EXOC4: variants seen among roughly 807,000 people sequenced by gnomAD.
The protein encoded by EXOC4 is exocyst complex component 4, also known as SEC8-like 1.
A neutral mutation model predicts 107.2 loss-of-function variants in EXOC4; 71 were observed. The ratio of observed to expected loss-of-function variants is 0.66; its 90% CI spans 0.55 to 0.81. The LOEUF is 0.81. Ranked by LOEUF, EXOC4 falls within the 30% of genes least tolerant of loss-of-function variation. EXOC4 has a pLI of 0.00. For synonymous variants in EXOC4, 456 were observed against 441.2 expected (o/e 1.03, Z -0.42); for missense variants, 1,108 against 1,189.6 (o/e 0.93, Z 1.01).
intron 10 of EXOC4, among the ~76,000 whole-genome samples, chr7:133,634,644 C>A (rs962337180): frequency 1.6e-4 from 24 of 152,166 alleles, no homozygotes; most frequent in African/African-American, 5.8e-4. Context: ...CATGCGCCAC[C>A]ATGCCCGGCT....
At chr7:133,330,764 G>A (rs927902658) in intron 5 of EXOC4, among the ~76,000 whole-genome samples, 12 of 151,962 alleles carry the variant, frequency 7.9e-5, no homozygotes, top group African/African-American at 1.9e-4. Flanking sequence ...GCTTTGGCTC[G>A]CCCTTGGTGG....
intron 5 of EXOC4, among the ~76,000 whole-genome samples, chr7:133,347,233 C>T (rs916948612): frequency 5.4e-5 from 8 of 149,418 alleles, no homozygotes; most frequent in African/African-American, 1.7e-4. Context: ...GATATATAGA[C>T]GTAAACTATA....
At chr7:133,591,074 G>A (rs1423923177) in intron 9 of EXOC4, among the ~76,000 whole-genome samples, 1 of 152,164 alleles carries the variant, frequency 6.6e-6, no homozygotes, top group Non-Finnish European at 1.5e-5. Flanking sequence ...TGAGGGCTGT[G>A]GGCTGAGTAA....
chr7:133,618,862 GTAAT>G (rs1802258565), intron 9 of EXOC4, among the ~76,000 whole-genome samples: 21 of 152,120 alleles, frequency 1.4e-4, no homozygotes, highest in Admixed American at 7.2e-4. Context: ...TGTACAACAA[GTAAT>G]ATTATATATC....
chr7:133,812,169 A>G (rs1797248542), intron 10 of EXOC4, among the ~76,000 whole-genome samples: 1 of 152,164 alleles, frequency 6.6e-6, no homozygotes, highest in South Asian at 2.1e-4. Flanking sequence ...ATCATACAAT[A>G]TTTCACACTT....
At chr7:133,428,619 G>A (rs544163702) in intron 7 of EXOC4, among the ~76,000 whole-genome samples, 34 of 152,328 alleles carry the variant, frequency 2.2e-4, no homozygotes, top group Middle Eastern at 3.4e-3. Flanking sequence ...TTAGAAATTT[G>A]CTGTTGTAGA....
intron 11 of EXOC4, among the ~76,000 whole-genome samples, chr7:133,883,421 C>G (rs1799008744): frequency 7.0e-6 from 1 of 142,192 alleles, no homozygotes; most frequent in Non-Finnish European, 1.5e-5. Context: ...GTGGGAGGAT[C>G]ATTTGAGGCC....
At chr7:133,785,134 GT>G (rs1796542580) in intron 10 of EXOC4, among the ~76,000 whole-genome samples, 1 of 152,102 alleles carries the variant, frequency 6.6e-6, no homozygotes, top group African/African-American at 2.4e-5. Flanking sequence ...AGCAAAAGGC[GT>G]CTGGAGAAAG....
In EXOC4 at chr7:133,959,722, T is replaced by G. The variant is rs138826679; in HGVS notation, c.2206+21653T>G. Among the ~76,000 whole-genome samples the G allele has an allele frequency of 3.3e-5, 5 of 151,782 alleles. No individual in the cohort carries two copies. In the East Asian group the frequency reaches 9.7e-4, roughly 29 times the overall value. The stretch of plus-strand genomic sequence containing the variant: ...TGTCAGAAGAAAAAAAAAATAAAAG[T>G]TTTTCTAGAAAGTACATCTAGAAAA... On this transcript the variant is annotated intron_variant, in intron 14 of 17. Transcript: ENST00000253861.
chr7:133,278,409 C>A (rs1794048497), intron 2 of EXOC4, among the ~76,000 whole-genome samples: 1 of 152,108 alleles, frequency 6.6e-6, no homozygotes, highest in Non-Finnish European at 1.5e-5. Flanking sequence ...ACACACACCC[C>A]CACCCACTCA....
At chr7:133,299,357 T>C (rs907307691) in intron 3 of EXOC4, among the ~76,000 whole-genome samples, 2 of 152,164 alleles carry the variant, frequency 1.3e-5, no homozygotes, top group African/African-American at 2.4e-5. Flanking sequence ...TCTGTGAGGC[T>C]CAGGCTGATA....
At chr7:133,326,057 C>T (rs2150595250) in intron 5 of EXOC4, among the ~76,000 whole-genome samples, 1 of 152,334 alleles carries the variant, frequency 6.6e-6, no homozygotes, top group Non-Finnish European at 1.5e-5. Flanking sequence ...TGTTTTTCAG[C>T]TCCATCAGGT....
intron 10 of EXOC4, among the ~76,000 whole-genome samples, chr7:133,743,501 G>C (rs748549314): frequency 2.0e-5 from 3 of 152,164 alleles, no homozygotes; most frequent in Non-Finnish European, 4.4e-5. Flanking sequence ...ATCAGTTTCT[G>C]TACTACTGGC....
At chr7:133,321,241 C>T (rs1245776633) in intron 5 of EXOC4, among the ~76,000 whole-genome samples, 6 of 151,104 alleles carry the variant, frequency 4.0e-5, no homozygotes, top group Admixed American at 6.6e-5. Flanking sequence ...TTGTTTTTCA[C>T]GTGTCCTATT....
intron 11 of EXOC4, among the ~76,000 whole-genome samples, chr7:133,823,887 TA>T (rs1797622077): frequency 8.9e-5 from 2 of 22,356 alleles, no homozygotes; most frequent in African/African-American, 1.2e-3. Context: ...TATATATATA[TA>T]TATATTTTAT....
chr7:133,461,826 A>G (rs1327629125), intron 7 of EXOC4, among the ~76,000 whole-genome samples: 1 of 152,204 alleles, frequency 6.6e-6, no homozygotes, highest in Non-Finnish European at 1.5e-5. Context: ...AACTTAAGAC[A>G]TTGTGCCTAG....
chr7:133,851,061 AAC>A (rs1403764083), intron 11 of EXOC4, among the ~76,000 whole-genome samples: 1 of 152,228 alleles, frequency 6.6e-6, no homozygotes, highest in East Asian at 1.9e-4. Flanking sequence ...ACTAGAATTA[AAC>A]ACAGTCAGCT....
At chr7:133,598,052 T>G (rs1801723916) in intron 9 of EXOC4, among the ~76,000 whole-genome samples, 1 of 151,988 alleles carries the variant, frequency 6.6e-6, no homozygotes, top group African/African-American at 2.4e-5. Context: ...GACAAAAACC[T>G]CAATTACTTT....
intron 10 of EXOC4, among the ~76,000 whole-genome samples, chr7:133,650,422 C>A (rs1243387414): frequency 1.3e-5 from 2 of 152,030 alleles, no homozygotes; most frequent in Non-Finnish European, 2.9e-5. Context: ...TGTGCATTTC[C>A]TTTCTAGAAT....
Sources: allele counts gnomAD v4.1 joint callset (sites outside exome capture counted in the v4.1 genomes callset), GRCh38; gene constraint gnomAD v4.1.1; transcripts MANE v1.5; gene names NCBI Gene and HGNC (gene_info 2026-07-23, HGNC 2026-07-21).